Variants in SLC7A8 observed in about 807,000 individuals in gnomAD.
The protein encoded by SLC7A8 is large neutral amino acids transporter small subunit 2.
Under a neutral mutation model 51.2 loss-of-function variants are expected in SLC7A8, and 30 were observed. The ratio of observed to expected loss-of-function variants is 0.59; its 90% confidence interval spans 0.44 to 0.80. The LOEUF is 0.80. Ranked by LOEUF, SLC7A8 falls within the 30% of genes least tolerant of loss-of-function variation. The pLI is 0.00. For missense variants in SLC7A8, 612 were observed against 674.4 expected (o/e 0.91, Z 1.03); for synonymous variants, 257 against 275.8 (o/e 0.93, Z 0.67).
Position 23,183,137 on chromosome 14 carries a change from T to TAAAAAAAAAAAAAAAAAAAAAAAAA in SLC7A8, c.-224_-223insTTTTTTTTTTTTTTTTTTTTTTTTT, listed in dbSNP as rs60162914. 2.2e-5 allele frequency: 2 copies of TAAAAAAAAAAAAAAAAAAAAAAAAA among 90,778 alleles called. 1 individual carries two copies. The highest frequency in any genetic ancestry group is 4.2e-5 in the Non-Finnish European group (2 of 47,950). The allele number at this position is 90,778 out of a possible 1,614,324, so 5.6% of individuals were successfully genotyped here. A position where few individuals can be genotyped will look rare whatever the true frequency, so the allele number is the denominator to read the frequency against. On this transcript the variant is annotated 5_prime_UTR_variant, in exon 1 of 11. The change abolishes the stop of an existing upstream ORF in the 5' untranslated region. Transcript: ENST00000316902. Reference sequence around the variant, plus strand: ...CGTTTACAAACAAGAAAAGTGTTGCTAAAAAAAAAAAAAAAAAAAAAGGCC... The same window carrying TAAAAAAAAAAAAAAAAAAAAAAAAA: ...CGTTTACAAACAAGAAAAGTGTTGCTAAAAAAAAAAAAAAAAAAAAAAAAAAAAAAAAAAAAAAAAAAAAAAGGCC...
At chr14:23,155,165 C>A (rs1484995616) in intron 3 of SLC7A8, 2 of 1,535,948 alleles carry the variant, frequency 1.3e-6, no homozygotes, top group African/African-American at 1.4e-5. Flanking sequence ...GAAGCACTTA[C>A]AACGTTTTAG....
At chr14:23,136,326 C>T (rs375127346) in intron 7 of SLC7A8, among the ~76,000 whole-genome samples, 6 of 152,270 alleles carry the variant, frequency 3.9e-5, no homozygotes, top group South Asian at 4.1e-4. Flanking sequence ...TGGGGCTCAT[C>T]GTGCACATAG....
At position 23,143,141 on chromosome 14, in the gene SLC7A8, G is replaced by A; in HGVS notation, c.572C>T (p.Thr191Ile). 3 of 1,614,234 alleles carry A rather than the reference G, an allele frequency of 1.9e-6. No homozygotes were observed. The highest frequency in any genetic ancestry group is 2.5e-6 in the Non-Finnish European group (3 of 1,180,040). ...RWATRVQDIF[T>I]AGKLLALALI... is the part of the protein sequence containing the mutation. ...GGCCAAGGCCAGGAGCTTCCCAGCT[G>A]TGAAGATGTCTTGAACCCGGGTGGC... The change falls in exon 4 of 11, where the codon ACA (threonine) becomes ATA (isoleucine). Residue 191 changes from threonine to isoleucine, a missense_variant. By Grantham distance (89) the Thr-to-Ile change is moderately conservative. Coordinates refer to ENST00000316902, the MANE Select transcript of SLC7A8 (RefSeq NM_012244.4).
chr14:23,172,667 C>T (rs1468523582), intron 1 of SLC7A8, among the ~76,000 whole-genome samples: 1 of 152,196 alleles, frequency 6.6e-6, no homozygotes, highest in Non-Finnish European at 1.5e-5. Flanking sequence ...ACTTGTCTAC[C>T]ACCTCAAGAA....
At chr14:23,135,505 G>A (rs999276717) in intron 7 of SLC7A8, among the ~76,000 whole-genome samples, 20 of 151,376 alleles carry the variant, frequency 1.3e-4, no homozygotes, top group African/African-American at 2.4e-4. Context: ...GATCAAGACC[G>A]TCCTGGCTAA....
intron 7 of SLC7A8, among the ~76,000 whole-genome samples, chr14:23,137,090 C>T (rs1301324968): frequency 6.6e-6 from 1 of 152,152 alleles, no homozygotes; most frequent in Non-Finnish European, 1.5e-5. Flanking sequence ...TTCTAAGAAC[C>T]TGGGAGGATC....
At chr14:23,169,470 G>A (rs536122671) in intron 1 of SLC7A8, among the ~76,000 whole-genome samples, 9 of 152,320 alleles carry the variant, frequency 5.9e-5, no homozygotes, top group Middle Eastern at 6.8e-3. Context: ...GCAGTGGCAC[G>A]ATCTTGGCTC....
intron 4 of SLC7A8, among the ~76,000 whole-genome samples, chr14:23,141,108 CT>C (rs112994169): frequency 0.8 from 121,328 of 152,078 alleles, 52,288 homozygotes; most frequent in East Asian, 1. Flanking sequence ...CATAGTGAGA[CT>C]CCCATCTCCA....
Position 23,165,140 on chromosome 14 carries a change from C to T in SLC7A8, c.508+145G>A. ...GGCCGAGGCAGGAGGATCACTTGAG[C>T]CCAGGAGTTCAAGGCTGCAGTGAGC... is the stretch of plus-strand genomic sequence containing the variant. On this transcript the variant is annotated intron_variant, in intron 3 of 10. Coordinates refer to ENST00000316902, the MANE Select transcript of SLC7A8 (RefSeq NM_012244.4). This position sits in a 1 kb window ranked among gnomAD's most constrained non-coding sequence, Gnocchi z 4.2. The T allele has an allele frequency of 1.2e-6, 1 of 823,216 alleles. No individual in the cohort carries two copies. The highest frequency in any genetic ancestry group is 2.6e-5 in the South Asian group (1 of 38,272). The allele number at this position is 823,216 out of a possible 1,614,324, so 51.0% of individuals were successfully genotyped here. A position where few individuals can be genotyped will look rare whatever the true frequency, so the allele number is the denominator to read the frequency against.
At chr14:23,132,749 C>T (rs1418806414) in intron 7 of SLC7A8, among the ~76,000 whole-genome samples, 1 of 151,818 alleles carries the variant, frequency 6.6e-6, no homozygotes, top group Non-Finnish European at 1.5e-5. Context: ...GATTCTTCTG[C>T]CTCAGCCTCC....
chr14:23,127,459 C>G, intron 10 of SLC7A8, 116 bp from the exon 11 acceptor site: 1 of 1,243,656 alleles, frequency 8.0e-7, no homozygotes, highest in Non-Finnish European at 1.1e-6. Flanking sequence ...TCAGAGCAGT[C>G]AGTGCGTTGA....
intron 3 of SLC7A8, chr14:23,154,525 T>G: frequency 1.0e-6 from 1 of 972,832 alleles, no homozygotes; most frequent in Non-Finnish European, 1.2e-6. Context: ...AGCACGTGTT[T>G]CTAATTGTGG....
chr14:23,163,834 A>G (rs1248672931), intron 3 of SLC7A8, among the ~76,000 whole-genome samples: 1 of 152,232 alleles, frequency 6.6e-6, no homozygotes, highest in Non-Finnish European at 1.5e-5. Context: ...GACTAATATC[A>G]GAGATAAAGC....
chr14:23,141,367 T>G (rs1168286556), intron 4 of SLC7A8, among the ~76,000 whole-genome samples: 1 of 152,244 alleles, frequency 6.6e-6, no homozygotes, highest in Non-Finnish European at 1.5e-5. Context: ...GTTTCCATAA[T>G]GCTATATTAG....
At chr14:23,129,537 A>G in intron 9 of SLC7A8, 113 bp downstream of exon 9, 1 of 1,271,524 alleles carries the variant, frequency 7.9e-7, no homozygotes, top group South Asian at 1.4e-5. Flanking sequence ...GTCTGCTACC[A>G]TCAGAGATGA....
chr14:23,154,111 G>C (rs2048870717), intron 3 of SLC7A8: 2 of 310,008 alleles, frequency 6.5e-6, no homozygotes, highest in South Asian at 2.5e-4. Context: ...AGGAAGCAGT[G>C]ACGCCACTTT....
rs1168926727 is a variant in SLC7A8, at chr14:23,126,259, G to A, written c.*918C>T. On this transcript the variant is annotated 3_prime_UTR_variant, in exon 11 of 11. Transcript: ENST00000316902. ...TCCTTCGTACCTGGTCCCAAGCCAAGGCCCAGAGAGGAGAAGTGCACGGTG... is the reference window on the plus strand; with the variant it reads ...TCCTTCGTACCTGGTCCCAAGCCAAAGCCCAGAGAGGAGAAGTGCACGGTG... 6.5e-6 allele frequency: 1 copy of A among 153,414 alleles called. No individual in the cohort carries two copies. Among genetic ancestry groups the A allele is most frequent in the Non-Finnish European group, 1.5e-5 (1 of 68,292 alleles). 9.5% of individuals were successfully genotyped at this position (153,414 alleles called of 1,614,324 possible). A position where few individuals can be genotyped will look rare whatever the true frequency, so the allele number is the denominator to read the frequency against.
intron 1 of SLC7A8, among the ~76,000 whole-genome samples, chr14:23,167,701 C>T (rs1452520350): frequency 6.6e-6 from 1 of 152,080 alleles, no homozygotes; most frequent in Non-Finnish European, 1.5e-5. Context: ...GCTTCATGCT[C>T]TGCCCAGCTG....
rs903361020 is a variant in SLC7A8, at chr14:23,128,436, G to A, written c.1264-240C>T. On this transcript the variant is annotated intron_variant, in intron 9 of 10. Coordinates refer to ENST00000316902, the MANE Select transcript of SLC7A8 (RefSeq NM_012244.4). The surrounding 1 kb of genome is among the most constrained non-coding windows in gnomAD (Gnocchi z 4.3). ...GATGGGGAGGAGTTAGGGAGGAAAC[G>A]ATCCTCCTTGCCCATGTCCTCGCTC... 9 of 1,377,106 alleles carry A rather than the reference G, an allele frequency of 6.5e-6. No homozygotes were observed. The highest frequency in any genetic ancestry group is 2.9e-5 in the African/African-American group (2 of 69,984). 85.3% of individuals were successfully genotyped at this position (1,377,106 alleles called of 1,614,324 possible).
Sources: gnomAD v4.1 joint callset for allele counts (sites outside exome capture counted in the v4.1 genomes callset) on GRCh38, gnomAD v4.1.1 for gene constraint, Gnocchi (gnomAD v3.1) non-coding constraint, MANE v1.5 for transcripts, NCBI Gene and HGNC (gene_info 2026-07-23, HGNC 2026-07-21) for gene names.